The following FGF12 variants were observed in gnomAD, a reference collection of about 807,000 sequenced individuals.
FGF12 encodes fibroblast growth factor 12B.
FGF12 carries 14 observed loss-of-function variants against 23.6 expected under a neutral mutation model. The observed-to-expected ratio is 0.59, with a 90% CI of 0.39 to 0.93. FGF12 has a LOEUF of 0.93. FGF12 is among the 40% of genes least tolerant of loss of function. FGF12 has a pLI of 0.00. For missense variants in FGF12, 175 were observed against 217.8 expected (o/e 0.80, Z 1.24); for synonymous variants, 62 against 77.3 (o/e 0.80, Z 1.04).
intron 5 of FGF12, among the ~76,000 whole-genome samples, chr3:192,156,509 T>C (rs1406899115): frequency 6.6e-6 from 1 of 150,798 alleles, no homozygotes; most frequent in East Asian, 1.9e-4. Flanking sequence ...AGTACCCAAA[T>C]TTCAAGGATG....
At chr3:192,580,317 CTATT>C (rs934738026) in intron 2 of FGF12, among the ~76,000 whole-genome samples, 1 of 136,480 alleles carries the variant, frequency 7.3e-6, no homozygotes, top group Non-Finnish European at 1.6e-5. Flanking sequence ...GTCAACATTT[CTATT>C]TTTTTTTTTT....
At chr3:192,484,316 A>T (rs1006644208) in intron 2 of FGF12, among the ~76,000 whole-genome samples, 6 of 78,426 alleles carry the variant, frequency 7.7e-5, no homozygotes, top group African/African-American at 4.8e-4. Flanking sequence ...CCATTTTCCT[A>T]AAAAAAAAAA....
chr3:192,482,098 A>G (rs1408235679), intron 2 of FGF12, among the ~76,000 whole-genome samples: 2 of 152,188 alleles, frequency 1.3e-5, no homozygotes, highest in Non-Finnish European at 2.9e-5. Flanking sequence ...TGAGAATGGT[A>G]AGAACATTGC....
At chr3:192,214,303 TG>T (rs776113061) in intron 4 of FGF12, among the ~76,000 whole-genome samples, 16 of 152,254 alleles carry the variant, frequency 1.1e-4, no homozygotes, top group Non-Finnish European at 2.1e-4. Flanking sequence ...GTTTAATAAA[TG>T]AGAGAACCCA....
chr3:192,681,046 T>C (rs1408684836), intron 2 of FGF12, among the ~76,000 whole-genome samples: 1 of 152,246 alleles, frequency 6.6e-6, no homozygotes, highest in Admixed American at 6.5e-5. Context: ...AGCTTGGGAA[T>C]ATACTTGTAA....
chr3:192,289,521 T>C (rs572116199), intron 4 of FGF12, among the ~76,000 whole-genome samples: 61 of 152,178 alleles, frequency 4.0e-4, no homozygotes, highest in Middle Eastern at 3.4e-3. Context: ...ACAATGACCA[T>C]TCTAAGTCGA....
At chr3:192,636,258 G>A (rs1715578628) in intron 2 of FGF12, among the ~76,000 whole-genome samples, 1 of 152,132 alleles carries the variant, frequency 6.6e-6, no homozygotes. Context: ...TAGCTACCCT[G>A]TTCTATGTGG....
At chr3:192,327,980 C>T (rs1716905945) in intron 4 of FGF12, among the ~76,000 whole-genome samples, 1 of 152,314 alleles carries the variant, frequency 6.6e-6, no homozygotes. Context: ...TTATACAAAG[C>T]AGTAAGTTAT....
At chr3:192,563,601 T>C (rs1025809268) in intron 2 of FGF12, among the ~76,000 whole-genome samples, 1 of 152,252 alleles carries the variant, frequency 6.6e-6, no homozygotes, top group Non-Finnish European at 1.5e-5. Context: ...AGTTTAAAAG[T>C]ATGAACACAA....
chr3:192,210,831 T>G (rs985235626), intron 4 of FGF12, among the ~76,000 whole-genome samples: 1 of 152,118 alleles, frequency 6.6e-6, no homozygotes, highest in African/African-American at 2.4e-5. Flanking sequence ...TGAGAAAGAA[T>G]GTGGCAATTT....
intron 4 of FGF12, among the ~76,000 whole-genome samples, chr3:192,180,083 T>C (rs1027505652): frequency 2.0e-5 from 3 of 151,676 alleles, no homozygotes; most frequent in African/African-American, 4.9e-5. Context: ...AAGGCTCAAC[T>C]TGGTCATCTA....
intron 2 of FGF12, among the ~76,000 whole-genome samples, chr3:192,698,726 GC>G (rs1389017737): frequency 1.3e-5 from 2 of 152,068 alleles, no homozygotes; most frequent in Non-Finnish European, 2.9e-5. Context: ...ATTCCTGTCA[GC>G]TTTATAATTT....
rs182034566 is a variant in FGF12, at chr3:192,405,395, G to A, written c.14-44857C>T. ...CAGCCCTGAAATCAGAAATACAACCGTGGCCTTTCCCATCAAACACTTGCC... is the reference window on the plus strand; with the variant it reads ...CAGCCCTGAAATCAGAAATACAACCATGGCCTTTCCCATCAAACACTTGCC... On this transcript the variant is annotated intron_variant, in intron 2 of 5. Transcript: ENST00000445105. Among the ~76,000 whole-genome samples, 160 of 151,298 alleles carry A rather than the reference G, an allele frequency of 1.1e-3. 8 individuals carry two copies. Among genetic ancestry groups the A allele is most frequent in the African/African-American group, 3.9e-3 (157 of 40,632 alleles).
chr3:192,416,008 C>T (rs979020979), intron 2 of FGF12, among the ~76,000 whole-genome samples: 2 of 152,010 alleles, frequency 1.3e-5, no homozygotes, highest in Admixed American at 6.6e-5. Context: ...GGGAATGGAT[C>T]TTGTTGAAAT....
At chr3:192,592,293 C>A (rs887799250) in intron 2 of FGF12, among the ~76,000 whole-genome samples, 1 of 151,822 alleles carries the variant, frequency 6.6e-6, no homozygotes, top group Non-Finnish European at 1.5e-5. Context: ...TCGTTATTTG[C>A]CCCTGTCTTT....
chr3:192,425,359 T>C (rs933463922), intron 2 of FGF12, among the ~76,000 whole-genome samples: 1 of 151,954 alleles, frequency 6.6e-6, no homozygotes, highest in Non-Finnish European at 1.5e-5. Flanking sequence ...CACCATGGAG[T>C]GACATGAGAA....
intron 2 of FGF12, among the ~76,000 whole-genome samples, chr3:192,655,479 G>A (rs1207670760): frequency 6.6e-6 from 1 of 152,152 alleles, no homozygotes; most frequent in Non-Finnish European, 1.5e-5. Flanking sequence ...AGAATAGAAG[G>A]ATTGAGAAAA....
At chr3:192,419,472 A>G (rs1206305425) in intron 2 of FGF12, among the ~76,000 whole-genome samples, 1 of 152,120 alleles carries the variant, frequency 6.6e-6, no homozygotes, top group Non-Finnish European at 1.5e-5. Context: ...CCTCTCTTCC[A>G]CCCATGGAAT....
rs1724602561 is a variant in FGF12 at position 192,514,677 on chromosome 3, G to A, written c.14-154139C>T. On this transcript the variant is annotated intron_variant, in intron 2 of 5. Transcript: ENST00000445105. This position sits in a 1 kb window ranked among gnomAD's most constrained non-coding sequence, Gnocchi z 4.9. Reference sequence around the variant, plus strand: ...AGAACATTTTCTCACCACTTGGGCTGTCGCTGGACCTCAGGCTCCTTCCAC... The same window carrying A: ...AGAACATTTTCTCACCACTTGGGCTATCGCTGGACCTCAGGCTCCTTCCAC... The A allele has an allele frequency of 2.0e-6, 2 of 985,030 alleles. No homozygotes were observed. The highest frequency in any genetic ancestry group is 2.4e-6 in the Non-Finnish European group (2 of 829,686). The allele number at this position is 985,030 out of a possible 1,614,324, so 61.0% of individuals were successfully genotyped here. A position where few individuals can be genotyped will look rare whatever the true frequency, so the allele number is the denominator to read the frequency against.
Sources: allele counts gnomAD v4.1 joint callset (sites outside exome capture counted in the v4.1 genomes callset), GRCh38; gene constraint gnomAD v4.1.1; non-coding constraint Gnocchi (gnomAD v3.1); transcripts MANE v1.5; gene names NCBI Gene and HGNC (gene_info 2026-07-23, HGNC 2026-07-21).